The following PGR variants were observed in gnomAD, a reference collection of about 807,000 sequenced individuals.
PGR encodes the protein nuclear receptor subfamily 3 group C member 3.
PGR carries 25 observed loss-of-function variants against 76.1 expected under a neutral mutation model. The observed-to-expected ratio is 0.33, with a 90% CI of 0.24 to 0.46. The LOEUF (loss-of-function observed/expected upper bound fraction) is 0.46, where lower values mean the gene tolerates loss of function less well. PGR is among the 20% of genes least tolerant of loss of function. PGR has a pLI of 1.00. For missense variants in PGR, 1,172 were observed against 1,225.3 expected (o/e 0.96, Z 0.65); for synonymous variants, 579 against 535.0 (o/e 1.08, Z -1.14).
intron 2 of PGR, among the ~76,000 whole-genome samples, chr11:101,103,303 G>T (rs1424909107): frequency 1.3e-5 from 2 of 152,052 alleles, no homozygotes; most frequent in Middle Eastern, 3.2e-3. Flanking sequence ...CTTTGGACTG[G>T]AATCTAAGAC....
Position 101,034,433 on chromosome 11 carries a change from T to G in PGR, c.*4683A>C, listed in dbSNP as rs920114630. On this transcript the variant is annotated 3_prime_UTR_variant, in exon 8 of 8. Transcript: ENST00000325455. ...CCTTGGTGTTTTTCTTTGCTTTGGTTATAGGATATTCAGAGAAGGTATGTA... is the reference window on the plus strand; with the variant it reads ...CCTTGGTGTTTTTCTTTGCTTTGGTGATAGGATATTCAGAGAAGGTATGTA... The G allele has an allele frequency of 6.3e-5, 12 of 190,042 alleles. No homozygotes were observed. The highest frequency in any genetic ancestry group is 9.9e-5 in the Non-Finnish European group (9 of 90,652). The allele number at this position is 190,042 out of a possible 1,614,324, so 11.8% of individuals were successfully genotyped here. A position where few individuals can be genotyped will look rare whatever the true frequency, so the allele number is the denominator to read the frequency against.
intron 1 of PGR, 138 bp from the exon 2 acceptor site, chr11:101,126,296 A>T: frequency 1.3e-6 from 1 of 791,904 alleles, no homozygotes; most frequent in South Asian, 1.5e-5. Flanking sequence ...AAAGACATGC[A>T]AACTAAACTT....
chr11:101,106,317 C>T (rs991423946), intron 2 of PGR, among the ~76,000 whole-genome samples: 2 of 152,230 alleles, frequency 1.3e-5, no homozygotes, highest in East Asian at 3.9e-4. Context: ...AAAATTTTTG[C>T]AATCTATCCA....
intron 2 of PGR, among the ~76,000 whole-genome samples, chr11:101,114,927 C>A (rs571257118): frequency 1.2e-4 from 18 of 152,280 alleles, no homozygotes; most frequent in African/African-American, 4.1e-4. Flanking sequence ...GCTTCTCACT[C>A]TTTACTCAAT....
At chr11:101,108,945 T>C (rs1862261845) in intron 2 of PGR, among the ~76,000 whole-genome samples, 1 of 152,214 alleles carries the variant, frequency 6.6e-6, no homozygotes. Context: ...TGTCACGTTT[T>C]AGTAATTCTC....
chr11:101,101,209 A>C (rs11224589), intron 2 of PGR, among the ~76,000 whole-genome samples: 47,378 of 151,930 alleles, frequency 0.31, 7,589 homozygotes, highest in African/African-American at 0.34. Context: ...CCACTTGAAC[A>C]TCAAAAAGAA....
intron 2 of PGR, among the ~76,000 whole-genome samples, chr11:101,124,643 T>A (rs1862783952): frequency 6.6e-6 from 1 of 152,152 alleles, no homozygotes; most frequent in Non-Finnish European, 1.5e-5. Context: ...CAGAAGGCAA[T>A]GTTTAAGAAA....
chr11:101,105,939 T>A (rs1862145508), intron 2 of PGR, among the ~76,000 whole-genome samples: 2 of 152,182 alleles, frequency 1.3e-5, no homozygotes, highest in African/African-American at 4.8e-5. Flanking sequence ...TACAACCATC[T>A]GATCTTTGAC....
At chr11:101,110,305 T>G (rs1862305213) in intron 2 of PGR, among the ~76,000 whole-genome samples, 2 of 152,198 alleles carry the variant, frequency 1.3e-5, no homozygotes, top group Admixed American at 6.5e-5. Flanking sequence ...GTTCATCATT[T>G]TAGATGTCAT....
rs369236264 is a variant in PGR at position 101,039,200 on chromosome 11, T to C, written c.2718A>G (p.Pro906=). Residue 906 remains proline, a synonymous_variant, in exon 8 of 8, where the codon CCA becomes CCG. Coordinates refer to ENST00000325455, the MANE Select transcript of PGR (RefSeq NM_000926.4). ...CAGCAATAACTTCAGACATCATTTC[T>C]GGAAATTCAACACTCAGTGCCCGGG... is the stretch of plus-strand genomic sequence containing the variant. ...IQSRALSVEF[P]EMMSEVIAAQ... is the part of the protein sequence containing the mutation. 6.2e-7 allele frequency: 1 copy of C among 1,611,596 alleles called. No individual in the cohort carries two copies. The highest frequency in any genetic ancestry group is 1.7e-5 in the Admixed American group (1 of 59,868).
intron 3 of PGR, among the ~76,000 whole-genome samples, chr11:101,069,856 G>A (rs1351087934): frequency 4.6e-5 from 7 of 152,140 alleles, no homozygotes; most frequent in Non-Finnish European, 8.8e-5. Context: ...GCCTGTTGAG[G>A]GGTGGGGAGC....
rs11571169 is a variant in PGR, at chr11:101,104,722, G to T, written c.1790-12846C>A. ...TCTGGTTGTTTCCTTATGACACTCA[G>T]TCTTGCTTCTCAGATACTGCTGTGT... On this transcript the variant is annotated intron_variant, in intron 2 of 7. Transcript: ENST00000325455. 6.7e-3 allele frequency among the ~76,000 whole-genome samples: 1,021 copies of T among 152,184 alleles called. 45 individuals are homozygous for T. The highest frequency in any genetic ancestry group is 0.063 in the Admixed American group (961 of 15,278).
At chr11:101,097,251 C>T (rs941206536) in intron 2 of PGR, among the ~76,000 whole-genome samples, 2 of 152,176 alleles carry the variant, frequency 1.3e-5, no homozygotes, top group African/African-American at 4.8e-5. Context: ...GGATTACCCC[C>T]AAACTCTCTC....
intron 3 of PGR, among the ~76,000 whole-genome samples, chr11:101,064,371 A>AAAAAAAAAAAAAAAAAAC (rs1860636326): frequency 8.3e-6 from 1 of 121,022 alleles, no homozygotes; most frequent in African/African-American, 3.0e-5. Flanking sequence ...AAAAAAAAAA[A>AAAAAAAAAAAAAAAAAAC]CAGCCCCAAC....
chr11:101,121,490 G>A (rs1232878400), intron 2 of PGR, among the ~76,000 whole-genome samples: 1 of 152,168 alleles, frequency 6.6e-6, no homozygotes, highest in African/African-American at 2.4e-5. Context: ...ATGACACCAA[G>A]TATACCCAAC....
At chr11:101,120,405 C>T (rs141583886) in intron 2 of PGR, among the ~76,000 whole-genome samples, 1 of 152,218 alleles carries the variant, frequency 6.6e-6, no homozygotes, top group East Asian at 1.9e-4. Context: ...TATCAAAATA[C>T]TTCAATATAT....
intron 4 of PGR, among the ~76,000 whole-genome samples, chr11:101,059,863 A>AAAAAAAAAG (rs1565337616): frequency 1.4e-3 from 200 of 140,990 alleles, no homozygotes; most frequent in Non-Finnish European, 2.3e-3. Flanking sequence ...AAAAAAAAAG[A>AAAAAAAAAG]AAAAAAAGAA....
At chr11:101,111,748 T>C (rs2135487479) in intron 2 of PGR, among the ~76,000 whole-genome samples, 1 of 152,224 alleles carries the variant, frequency 6.6e-6, no homozygotes, top group Non-Finnish European at 1.5e-5. Flanking sequence ...GATGTGTTGG[T>C]TTGAGATATT....
intron 3 of PGR, among the ~76,000 whole-genome samples, chr11:101,080,642 G>A (rs1461463004): frequency 6.6e-6 from 1 of 151,992 alleles, no homozygotes; most frequent in African/African-American, 2.4e-5. Context: ...TAACCAAGAT[G>A]GAAACTCAGA....
Sources: gnomAD v4.1 joint callset for allele counts (sites outside exome capture counted in the v4.1 genomes callset) on GRCh38, gnomAD v4.1.1 for gene constraint, MANE v1.5 for transcripts, NCBI Gene and HGNC (gene_info 2026-07-23, HGNC 2026-07-21) for gene names.